TACR3: variants seen among roughly 807,000 people sequenced by gnomAD.
The protein encoded by TACR3 is neuromedin-K receptor.
A neutral mutation model predicts 35.0 loss-of-function variants in TACR3; 34 were observed. The ratio of observed to expected loss-of-function variants is 0.97; its 90% CI spans 0.74 to 1.30. The LOEUF is 1.30. Ranked by LOEUF, TACR3 falls within the 50% of genes most tolerant of loss-of-function variation. The probability of loss-of-function intolerance (pLI) is 0.00; values close to 1 mark genes in which losing one functional copy is unlikely to be tolerated. For synonymous variants in TACR3, 233 were observed against 221.1 expected, an observed-to-expected ratio of 1.05 and a Z score of -0.48; for missense variants, 558 against 591.7, an observed-to-expected ratio of 0.94 and a Z score of 0.59.
intron 3 of TACR3, among the ~76,000 whole-genome samples, chr4:103,648,974 C>T (rs538698936): frequency 6.6e-6 from 1 of 152,168 alleles, no homozygotes; most frequent in African/African-American, 2.4e-5. Context: ...TTGGATAAAG[C>T]CATTTTAGTT....
intron 3 of TACR3, among the ~76,000 whole-genome samples, chr4:103,617,640 G>T (rs993689000): frequency 3.3e-5 from 5 of 152,104 alleles, no homozygotes; most frequent in Admixed American, 2.0e-4. Context: ...ATCAAAAGTG[G>T]AAACCAGACT....
At chr4:103,690,393 G>C (rs558115475) in intron 1 of TACR3, among the ~76,000 whole-genome samples, 1 of 152,116 alleles carries the variant, frequency 6.6e-6, no homozygotes, top group Non-Finnish European at 1.5e-5. Context: ...TAGTCTTTAA[G>C]ACAAAAAGTT....
intron 1 of TACR3, among the ~76,000 whole-genome samples, chr4:103,703,495 C>G (rs1356799939): frequency 1.3e-5 from 2 of 152,138 alleles, no homozygotes; most frequent in African/African-American, 4.8e-5. Context: ...ACATATAAAA[C>G]TATATCGGAC....
At chr4:103,631,870 T>C (rs568053354) in intron 3 of TACR3, among the ~76,000 whole-genome samples, 1 of 152,324 alleles carries the variant, frequency 6.6e-6, no homozygotes, top group East Asian at 1.9e-4. Context: ...GCCTAGAATT[T>C]GCTTGTGATA....
intron 1 of TACR3, among the ~76,000 whole-genome samples, chr4:103,685,368 T>C (rs1223318519): frequency 6.6e-6 from 1 of 152,190 alleles, no homozygotes; most frequent in African/African-American, 2.4e-5. Context: ...ACTCAAAATG[T>C]ATCATACATC....
At chr4:103,640,603 T>C (rs6857618) in intron 3 of TACR3, among the ~76,000 whole-genome samples, 11,763 of 152,014 alleles carry the variant, frequency 0.077, 1,479 homozygotes, top group African/African-American at 0.26. Context: ...AAATTTTTTC[T>C]CCTAATCCAT....
chr4:103,641,128 A>G (rs1481360024), intron 3 of TACR3, among the ~76,000 whole-genome samples: 2 of 151,868 alleles, frequency 1.3e-5, no homozygotes, highest in Non-Finnish European at 2.9e-5. Flanking sequence ...GTGTATACCC[A>G]AGGTCCCTCA....
At chr4:103,716,236 T>C (rs1723088338) in intron 1 of TACR3, among the ~76,000 whole-genome samples, 1 of 151,656 alleles carries the variant, frequency 6.6e-6, no homozygotes, top group Admixed American at 6.6e-5. Flanking sequence ...TGTGTGTGTG[T>C]GTGTGTGTGT....
intron 3 of TACR3, among the ~76,000 whole-genome samples, chr4:103,626,304 A>G (rs1211056197): frequency 1.3e-5 from 2 of 152,222 alleles, no homozygotes; most frequent in Non-Finnish European, 2.9e-5. Flanking sequence ...ATCTTTTACC[A>G]ATTACATCCA....
chr4:103,712,503 C>G (rs1209037541), intron 1 of TACR3, among the ~76,000 whole-genome samples: 5 of 152,152 alleles, frequency 3.3e-5, no homozygotes, highest in Non-Finnish European at 5.9e-5. Context: ...AAATGTTAGA[C>G]CTAAAACCAC....
chr4:103,656,263 A>G lies in TACR3; in HGVS notation c.819T>C (p.Thr273=). 1 of 1,613,106 alleles carries G rather than the reference A, an allele frequency of 6.2e-7. No homozygotes were observed. Among genetic ancestry groups the G allele is most frequent in the Non-Finnish European group, 8.5e-7 (1 of 1,179,350 alleles). ...MGITYTIVGI[T]LWGGEIPGDT... ...CTCCTGGGATTTCTCCTCCCCAGAG[A>G]GTAATTCCAACAATGGTGTATGTAA... Residue 273 remains threonine, a synonymous_variant, in exon 3 of 5, where the codon ACT becomes ACC. Transcript: ENST00000304883.
At chr4:103,673,855 T>G (rs1726103953) in intron 1 of TACR3, among the ~76,000 whole-genome samples, 1 of 152,184 alleles carries the variant, frequency 6.6e-6, no homozygotes, top group Admixed American at 6.6e-5. Flanking sequence ...TTTATAGAGA[T>G]AACACAGAAC....
rs1232797084 is a variant in TACR3, at chr4:103,591,653, T to A, written c.919A>T (p.Thr307Ser). 1 of 1,613,398 alleles carries A rather than the reference T, an allele frequency of 6.2e-7. No individual in the cohort carries two copies. Residue 307 changes from threonine (T) to serine (S), a missense_variant, in exon 4 of 5, where the codon ACA (threonine) becomes TCA (serine). Thr to Ser is a moderately conservative substitution (Grantham distance 58). Transcript: ENST00000304883. ...TAGGGCAGCCAGCAGATAGCAAATG[T>A]CATGACAACAATAATCATCATTTTG... Reference protein sequence around the residue: ...VVKMMIIVVMTFAICWLPYHI... With the variant: ...VVKMMIIVVMSFAICWLPYHI...
chr4:103,694,782 T>TA (rs1176567542), intron 1 of TACR3, among the ~76,000 whole-genome samples: 1 of 152,122 alleles, frequency 6.6e-6, no homozygotes, highest in African/African-American at 2.4e-5. Context: ...ATAAATATCA[T>TA]AAAAATTAGT....
intron 1 of TACR3, among the ~76,000 whole-genome samples, chr4:103,690,421 A>G (rs1218403222): frequency 1.3e-5 from 2 of 152,166 alleles, no homozygotes; most frequent in African/African-American, 4.8e-5. Context: ...ACAAACTAGG[A>G]ACTCATTAGA....
At chr4:103,669,066 A>G (rs1218913396) in intron 1 of TACR3, among the ~76,000 whole-genome samples, 1 of 152,130 alleles carries the variant, frequency 6.6e-6, no homozygotes, top group Non-Finnish European at 1.5e-5. Context: ...AATATACAAT[A>G]TCTGTCTTTC....
chr4:103,590,942 T>C (rs995005567), intron 4 of TACR3, among the ~76,000 whole-genome samples: 2 of 152,146 alleles, frequency 1.3e-5, no homozygotes, highest in Non-Finnish European at 2.9e-5. Flanking sequence ...GCCATCTCCA[T>C]AGAGGCTGCA....
rs571817488 is a variant in TACR3, at chr4:103,598,544, A to G, written c.889-6861T>C. Among the ~76,000 whole-genome samples the G allele has an allele frequency of 9.9e-5, 15 of 152,252 alleles. No individual in the cohort carries two copies. The East Asian group carries it at 2.9e-3, about 29-fold the overall frequency. ...GTCCTTGCCCATGCCTATGTACTGA[A>G]TGGTATTGCCTATGTTTTCTTCTAG... On this transcript the variant is annotated intron_variant, in intron 3 of 4. Coordinates refer to ENST00000304883, the MANE Select transcript of TACR3 (RefSeq NM_001059.3).
intron 1 of TACR3, among the ~76,000 whole-genome samples, chr4:103,717,047 C>T (rs1158392873): frequency 6.6e-6 from 1 of 152,066 alleles, no homozygotes; most frequent in East Asian, 1.9e-4. Flanking sequence ...TTTTCTTTAA[C>T]CTATAAAATG....
Sources: gnomAD v4.1 joint callset for allele counts (sites outside exome capture counted in the v4.1 genomes callset) on GRCh38, gnomAD v4.1.1 for gene constraint, MANE v1.5 for transcripts, NCBI Gene and HGNC (gene_info 2026-07-23, HGNC 2026-07-21) for gene names.